PPP3CC: variants seen among roughly 807,000 people sequenced by gnomAD.
PPP3CC encodes the protein protein phosphatase 3 catalytic subunit gamma.
In PPP3CC, 35 loss-of-function variants were observed where a neutral mutation model predicts 60.3. The observed-to-expected ratio is 0.58, with a 90% CI of 0.44 to 0.77. The LOEUF is 0.77. Among genes scored for constraint, PPP3CC ranks in the 30% least tolerant of loss-of-function variants. PPP3CC has a pLI of 0.00. For missense variants in PPP3CC, 570 were observed against 628.9 expected (o/e 0.91, Z 1.00); for synonymous variants, 206 against 224.3 (o/e 0.92, Z 0.73).
In PPP3CC at chr8:22,540,771, G is replaced by C; in HGVS notation, c.1508G>C (p.Arg503Thr). The change falls in exon 14 of 14, where the codon AGG becomes ACG. Residue 503 changes from arginine to threonine, a missense_variant. Coordinates refer to ENST00000240139, the MANE Select transcript of PPP3CC (RefSeq NM_005605.5). ...TCAGCACACTCACATGCTGCGCACA[G>C]GAGCGACCAAGGGAAGAAAGCCCAT... is the stretch of plus-strand genomic sequence containing the variant. ...VTSAHSHAAH[R>T]SDQGKKAHS The C allele has an allele frequency of 6.2e-7, 1 of 1,613,190 alleles. No homozygotes were observed. The highest frequency in any genetic ancestry group is 8.5e-7 in the Non-Finnish European group (1 of 1,179,602).
At chr8:22,534,950 C>T (rs185635420) in intron 12 of PPP3CC, among the ~76,000 whole-genome samples, 3 of 152,274 alleles carry the variant, frequency 2.0e-5, no homozygotes, top group Admixed American at 2.0e-4. Flanking sequence ...GTCACTTCCT[C>T]TGGTGGGAGA....
intron 8 of PPP3CC, among the ~76,000 whole-genome samples, chr8:22,525,531 T>TTTC (rs1433041634): frequency 3.4e-4 from 34 of 99,220 alleles, no homozygotes; most frequent in African/African-American, 4.1e-5. Context: ...TCTTTCTTTC[T>TTTC]TTCTTTCTCT....
intron 1 of PPP3CC, among the ~76,000 whole-genome samples, chr8:22,450,962 G>A (rs1426552272): frequency 1.3e-5 from 2 of 149,856 alleles, no homozygotes; most frequent in Admixed American, 6.7e-5. Flanking sequence ...AGCCTCCTGA[G>A]TAGCTGGGAC....
intron 1 of PPP3CC, among the ~76,000 whole-genome samples, chr8:22,472,892 T>C (rs1436568511): frequency 6.6e-6 from 1 of 152,198 alleles, no homozygotes; most frequent in African/African-American, 2.4e-5. Context: ...AGTCAATTCC[T>C]GCGATGTTAT....
At chr8:22,464,380 T>C (rs995939748) in intron 1 of PPP3CC, among the ~76,000 whole-genome samples, 1 of 152,160 alleles carries the variant, frequency 6.6e-6, no homozygotes, top group African/African-American at 2.4e-5. Flanking sequence ...CAATTTCTTA[T>C]TATTTACTTA....
intron 1 of PPP3CC, among the ~76,000 whole-genome samples, chr8:22,448,449 G>A (rs1479866690): frequency 1.4e-5 from 2 of 147,752 alleles, no homozygotes; most frequent in Admixed American, 6.8e-5. Flanking sequence ...GCGTGATCTC[G>A]GCTCACCGCA....
chr8:22,503,432 A>T (rs1009722274), intron 4 of PPP3CC, among the ~76,000 whole-genome samples: 2 of 152,214 alleles, frequency 1.3e-5, no homozygotes, highest in African/African-American at 4.8e-5. Flanking sequence ...ATACGTAGTG[A>T]AGAAAGCTGC....
intron 3 of PPP3CC, among the ~76,000 whole-genome samples, chr8:22,495,005 G>A (rs762421175): frequency 2.0e-5 from 3 of 152,024 alleles, no homozygotes; most frequent in African/African-American, 4.8e-5. Context: ...GCAGTGGCAC[G>A]ATCATGATCA....
chr8:22,470,863 C>G (rs1011551659), intron 1 of PPP3CC, among the ~76,000 whole-genome samples: 26 of 152,144 alleles, frequency 1.7e-4, no homozygotes, highest in African/African-American at 5.8e-4. Context: ...CCAATGTTGA[C>G]CCCATAAACT....
At chr8:22,513,639 T>C (rs528796015) in intron 6 of PPP3CC, among the ~76,000 whole-genome samples, 1 of 152,312 alleles carries the variant, frequency 6.6e-6, no homozygotes, top group South Asian at 2.1e-4. Context: ...ACACCAAACA[T>C]GATTGGACAT....
At chr8:22,472,878 CATT>C in intron 1 of PPP3CC, among the ~76,000 whole-genome samples, 1 of 152,096 alleles carries the variant, frequency 6.6e-6, no homozygotes, top group Non-Finnish European at 1.5e-5. Context: ...AGTTCCCACT[CATT>C]AGTCAATTCC....
Position 22,525,325 on chromosome 8 carries a change from TCA to T in PPP3CC, c.944-2066_944-2065del, listed in dbSNP as rs1239742038. ...CATTTGAAACAGTCCCTGGGGGTAC[TCA>T]GTTACTCCCCATACAAGTGCCTTCT... On this transcript the variant is annotated intron_variant, in intron 8 of 13. Transcript: ENST00000240139. Among the ~76,000 whole-genome samples the T allele has an allele frequency of 2.0e-5, 3 of 152,284 alleles. No homozygotes were observed. In the East Asian group the frequency reaches 5.8e-4, roughly 29 times the overall value.
intron 10 of PPP3CC, chr8:22,531,323 A>G (rs1457539459): frequency 1.3e-6 from 2 of 1,531,776 alleles, no homozygotes; most frequent in African/African-American, 2.7e-5. Context: ...CCAAGCTATC[A>G]GAAAGGTATC....
intron 8 of PPP3CC, among the ~76,000 whole-genome samples, chr8:22,525,552 CTCTCTCTTTCTT>C (rs1231240073): frequency 8.2e-6 from 1 of 122,508 alleles, no homozygotes; most frequent in African/African-American, 3.2e-5. Flanking sequence ...CCCTCTCTCT[CTCTCTCTTTCTT>C]TCTCTCTCTC....
At chr8:22,527,332 C>G (rs561461896) in intron 8 of PPP3CC, 60 bp from the exon 9 acceptor site, 1 of 1,578,616 alleles carries the variant, frequency 6.3e-7, no homozygotes, top group African/African-American at 1.3e-5. Flanking sequence ...CTGTACAAAG[C>G]ATACCACTTG....
At position 22,522,499 on chromosome 8, in the gene PPP3CC, C is replaced by A. The variant is rs1186195766; in HGVS notation, c.779C>A (p.Ala260Glu). The A allele has an allele frequency of 1.9e-6, 3 of 1,608,370 alleles. No individual in the cohort carries two copies. Among genetic ancestry groups the A allele is most frequent in the South Asian group, 1.1e-5 (1 of 89,614 alleles). Reference protein sequence around the residue: ...RGCSYFYSYPAVCEFLQNNNL... With the variant: ...RGCSYFYSYPEVCEFLQNNNL... ...CTAATTTTCTTTTCCAGTTACCCTG[C>A]AGTTTGTGAATTTTTGCAGAACAAT... Residue 260 changes from alanine (A) to glutamate (E), a missense_variant, in exon 7 of 14, where the codon GCA becomes GAA. Coordinates refer to ENST00000240139, the MANE Select transcript of PPP3CC (RefSeq NM_005605.5).
rs374213539 is a variant in PPP3CC, at chr8:22,513,551, C to T, written c.770+119C>T. On this transcript the variant is annotated intron_variant, in intron 6 of 13. Transcript: ENST00000240139. ...GTATAAGCACTCCTGTTTAATTTTT[C>T]GATTAATAGGAGGCAAGAAACTTGT... The T allele has an allele frequency of 1.5e-4, 171 of 1,143,088 alleles. No homozygotes were observed. In the African/African-American group the frequency reaches 1.7e-3, roughly 11 times the overall value. 70.8% of individuals were successfully genotyped at this position (1,143,088 alleles called of 1,614,324 possible). A position where few individuals can be genotyped will look rare whatever the true frequency, so the allele number is the denominator to read the frequency against.
intron 3 of PPP3CC, among the ~76,000 whole-genome samples, chr8:22,477,349 C>A (rs537172060): frequency 2.6e-5 from 4 of 152,002 alleles, no homozygotes; most frequent in African/African-American, 9.7e-5. Flanking sequence ...TGGTGGTGGG[C>A]GCCTGTAATC....
chr8:22,540,173 T>A (rs905225248), intron 13 of PPP3CC, among the ~76,000 whole-genome samples: 79 of 152,224 alleles, frequency 5.2e-4, no homozygotes, highest in African/African-American at 1.7e-3. Context: ...TTAGCTCTTT[T>A]GTTACTTTTT....
Sources: gnomAD v4.1 joint callset for allele counts (sites outside exome capture counted in the v4.1 genomes callset) on GRCh38, gnomAD v4.1.1 for gene constraint, MANE v1.5 for transcripts, NCBI Gene and HGNC (gene_info 2026-07-23, HGNC 2026-07-21) for gene names.